RANBP17: variants seen among roughly 807,000 people sequenced by gnomAD.
The protein encoded by RANBP17 is RAN binding protein 17.
Under a neutral mutation model 141.2 loss-of-function variants are expected in RANBP17, and 158 were observed. The ratio of observed to expected loss-of-function variants is 1.12; its 90% confidence interval spans 0.98 to 1.28. RANBP17 has a LOEUF of 1.28. Ranked by LOEUF, RANBP17 falls within the 50% of genes most tolerant of loss-of-function variation. RANBP17 has a pLI of 0.00. For synonymous variants in RANBP17, 430 were observed against 450.0 expected (o/e 0.96, Z 0.56); for missense variants, 1,438 against 1,290.7 (o/e 1.11, Z -1.75).
chr5:171,116,920 C>T (rs1755674379), intron 14 of RANBP17, among the ~76,000 whole-genome samples: 1 of 152,188 alleles, frequency 6.6e-6, no homozygotes, highest in African/African-American at 2.4e-5. Context: ...TGCAGTGTTT[C>T]ACTTTCTGTT....
chr5:171,261,275 C>T (rs978972478), intron 24 of RANBP17, among the ~76,000 whole-genome samples: 1 of 152,136 alleles, frequency 6.6e-6, no homozygotes, highest in African/African-American at 2.4e-5. Context: ...ATATTAATCA[C>T]ATTTTACAGA....
rs562771291 is a variant in RANBP17, at chr5:170,966,698, A to G, written c.1575-1544A>G. Among the ~76,000 whole-genome samples, 205 of 152,268 alleles carry G rather than the reference A, an allele frequency of 1.3e-3. 1 individual carries two copies. The highest frequency in any genetic ancestry group is 4.7e-3 in the African/African-American group (194 of 41,548). ...AGTGTTGGAAGTTCTGGCCAGGGCA[A>G]TTAGGCAGGAGAAGGAAGTAATGGG... is the stretch of plus-strand genomic sequence containing the variant. On this transcript the variant is annotated intron_variant, in intron 13 of 27. Transcript: ENST00000523189.
intron 25 of RANBP17, among the ~76,000 whole-genome samples, chr5:171,272,420 A>G (rs1767182219): frequency 1.3e-5 from 2 of 152,248 alleles, no homozygotes; most frequent in South Asian, 4.1e-4. Flanking sequence ...GCACTAGCTT[A>G]ACTTACTTAC....
rs1561756501 is a variant in RANBP17, at chr5:171,199,663, C to T, written c.2039-7C>T. On this transcript the variant is annotated splice_region_variant and splice_polypyrimidine_tract_variant and intron_variant, in intron 18 of 27. Transcript: ENST00000523189. ...AAACCGTAGTGACCCTTTTGTTTCT[C>T]TGATAGGTGAAGATGAGGATGAATT... is the stretch of plus-strand genomic sequence containing the variant. 1 of 1,582,696 alleles carries T rather than the reference C, an allele frequency of 6.3e-7. No homozygotes were observed. Among genetic ancestry groups the T allele is most frequent in the South Asian group, 1.1e-5 (1 of 89,242 alleles).
chr5:171,086,083 T>G (rs2127717463), intron 14 of RANBP17, among the ~76,000 whole-genome samples: 1 of 131,246 alleles, frequency 7.6e-6, no homozygotes, highest in African/African-American at 2.9e-5. Flanking sequence ...CCATTCAGTA[T>G]GATATTGGCT....
intron 12 of RANBP17, among the ~76,000 whole-genome samples, chr5:170,942,492 C>CT (rs944722615): frequency 2.6e-5 from 4 of 152,224 alleles, no homozygotes; most frequent in African/African-American, 9.6e-5. Context: ...TCTCAGGAAG[C>CT]TACATACAGC....
At chr5:171,205,807 G>T in intron 20 of RANBP17, 195 bp downstream of exon 20, 2 of 682,486 alleles carry the variant, frequency 2.9e-6, no homozygotes, top group Non-Finnish European at 2.7e-6. Flanking sequence ...CCAGCTCAGA[G>T]AAGTCACTTT....
intron 14 of RANBP17, among the ~76,000 whole-genome samples, chr5:171,007,587 C>T (rs1194989420): frequency 6.6e-6 from 1 of 151,988 alleles, no homozygotes; most frequent in Admixed American, 6.5e-5. Flanking sequence ...GGACAAGTTG[C>T]ATTGGGAACA....
At chr5:171,043,537 C>A (rs890957093) in intron 14 of RANBP17, among the ~76,000 whole-genome samples, 1 of 151,828 alleles carries the variant, frequency 6.6e-6, no homozygotes, top group African/African-American at 2.4e-5. Context: ...GATGACACTG[C>A]CTCAGTGTCA....
Position 171,279,176 on chromosome 5 carries a change from G to GTTTGAAAT in RANBP17, c.2943+13331_2943+13338dup, listed in dbSNP as rs538256674. 2.3e-4 allele frequency among the ~76,000 whole-genome samples: 35 copies of GTTTGAAAT among 152,264 alleles called. No homozygotes were observed. The East Asian group carries it at 6.8e-3, about 29-fold the overall frequency. On this transcript the variant is annotated intron_variant, in intron 25 of 27. Transcript: ENST00000523189. ...TGGGTGAGGGCATGGTGTGGTGTGA[G>GTTTGAAAT]TTTGAAATTCTTGGCCCCAAACTGA...
At chr5:170,945,184 A>G (rs181825812) in intron 12 of RANBP17, among the ~76,000 whole-genome samples, 2 of 152,230 alleles carry the variant, frequency 1.3e-5, no homozygotes, top group African/African-American at 2.4e-5. Context: ...ACAGCATTAG[A>G]AAGTGTATAT....
At chr5:170,879,830 A>G (rs983239348) in intron 2 of RANBP17, among the ~76,000 whole-genome samples, 4 of 152,164 alleles carry the variant, frequency 2.6e-5, no homozygotes, top group African/African-American at 9.7e-5. Context: ...TCCAACACAG[A>G]ATATTCAGAT....
chr5:171,240,633 G>A (rs1764810041), intron 22 of RANBP17, among the ~76,000 whole-genome samples: 1 of 148,544 alleles, frequency 6.7e-6, no homozygotes, highest in Admixed American at 6.8e-5. Flanking sequence ...AGTCTTAAGA[G>A]TACAACTTAA....
chr5:171,191,997 A>G (rs1480329061), intron 18 of RANBP17, among the ~76,000 whole-genome samples: 1 of 152,192 alleles, frequency 6.6e-6, no homozygotes, highest in Non-Finnish European at 1.5e-5. Flanking sequence ...TAGGTATATT[A>G]TAGTTTGATG....
At chr5:171,115,157 G>C (rs1755524997) in intron 14 of RANBP17, among the ~76,000 whole-genome samples, 1 of 151,984 alleles carries the variant, frequency 6.6e-6, no homozygotes, top group Admixed American at 6.6e-5. Context: ...GAAAACAAAT[G>C]AAAGAGATTT....
At position 170,884,142 on chromosome 5, in the gene RANBP17, A is replaced by G. The variant is rs182645423; in HGVS notation, c.256+2246A>G. 8.5e-5 allele frequency among the ~76,000 whole-genome samples: 13 copies of G among 152,274 alleles called. No individual in the cohort carries two copies. The East Asian group carries it at 2.5e-3, about 29-fold the overall frequency. On this transcript the variant is annotated intron_variant, in intron 3 of 27. Coordinates refer to ENST00000523189, the MANE Select transcript of RANBP17 (RefSeq NM_022897.5). ...CATTTTCTGGATTTTGGCTAGTTTGATAGATGTGTAGTGGTATCTCCTTGT... is the reference window on the plus strand; with the variant it reads ...CATTTTCTGGATTTTGGCTAGTTTGGTAGATGTGTAGTGGTATCTCCTTGT...
At chr5:171,235,326 T>C (rs1053152035) in intron 22 of RANBP17, among the ~76,000 whole-genome samples, 22 of 150,764 alleles carry the variant, frequency 1.5e-4, no homozygotes, top group African/African-American at 4.8e-4. Context: ...ATGTGTCTTT[T>C]TTTTTTTTTT....
chr5:171,069,871 G>T (rs1182422696), intron 14 of RANBP17, among the ~76,000 whole-genome samples: 1 of 152,170 alleles, frequency 6.6e-6, no homozygotes, highest in East Asian at 1.9e-4. Context: ...GATCAGAAAA[G>T]AGATTAAGCA....
At chr5:171,067,787 T>G (rs1784397226) in intron 14 of RANBP17, among the ~76,000 whole-genome samples, 1 of 152,180 alleles carries the variant, frequency 6.6e-6, no homozygotes, top group African/African-American at 2.4e-5. Flanking sequence ...ATGTGATAAC[T>G]CAATTCTTAC....
Sources: gnomAD v4.1 joint callset for allele counts (sites outside exome capture counted in the v4.1 genomes callset) on GRCh38, gnomAD v4.1.1 for gene constraint, MANE v1.5 for transcripts, NCBI Gene and HGNC (gene_info 2026-07-23, HGNC 2026-07-21) for gene names.